GATB: variants seen among roughly 807,000 people sequenced by gnomAD.
GATB encodes the protein glutamyl-tRNA(Gln) amidotransferase subunit B, mitochondrial.
Under a neutral mutation model 62.3 loss-of-function variants are expected in GATB, and 39 were observed. That is an observed-to-expected ratio of 0.63 (90% CI 0.48 to 0.82). The LOEUF (loss-of-function observed/expected upper bound fraction) is 0.82. GATB is among the 40% of genes least tolerant of loss of function. The pLI, the probability that GATB is intolerant of heterozygous loss-of-function variation, is 0.00. For synonymous variants in GATB, 276 were observed against 258.9 expected (o/e 1.07, Z -0.63); for missense variants, 670 against 684.0 (o/e 0.98, Z 0.23).
rs139428309 is a variant in GATB at position 151,679,836 on chromosome 4, T to C, written c.1387A>G (p.Ile463Val). The C allele has an allele frequency of 8.7e-6, 14 of 1,613,934 alleles. 1 individual carries two copies. The highest frequency in any genetic ancestry group is 5.3e-5 in the African/African-American group (4 of 74,864). The part of the protein sequence containing the change: ...ELLDLLDSRT[I>V]SSSAAKQVFE... ...ACCTGTTTAGCTGCTGATGAAGAAA[T>C]TGTTCTGCTGTCCAGCAGGTCAAGA... Residue 463 changes from isoleucine to valine, a missense_variant, in exon 11 of 13, where the codon ATT becomes GTT. By Grantham distance (29) the Ile-to-Val change is conservative (BLOSUM62 3). Transcript: ENST00000263985.
chr4:151,731,530 C>G (rs1458730229), intron 2 of GATB, among the ~76,000 whole-genome samples: 1 of 152,206 alleles, frequency 6.6e-6, no homozygotes. Flanking sequence ...CTCTGCCCGG[C>G]TGCCACCCCG....
At chr4:151,733,275 G>A (rs991190592) in intron 2 of GATB, among the ~76,000 whole-genome samples, 2 of 152,000 alleles carry the variant, frequency 1.3e-5, no homozygotes, top group East Asian at 1.9e-4. Flanking sequence ...ACTGAGAAAC[G>A]AAACAGGAGA....
chr4:151,737,230 G>T (rs1356022340), intron 2 of GATB, among the ~76,000 whole-genome samples: 1 of 152,218 alleles, frequency 6.6e-6, no homozygotes, highest in Non-Finnish European at 1.5e-5. Context: ...GGTCCAGGCT[G>T]AGGTGGTCTC....
At chr4:151,728,837 C>T (rs1044810676) in intron 2 of GATB, among the ~76,000 whole-genome samples, 5 of 152,156 alleles carry the variant, frequency 3.3e-5, no homozygotes, top group Non-Finnish European at 5.9e-5. Flanking sequence ...AACAAAACAA[C>T]TGTCTTGAAC....
intron 5 of GATB, among the ~76,000 whole-genome samples, chr4:151,710,756 G>T (rs1738801871): frequency 6.6e-6 from 1 of 152,032 alleles, no homozygotes; most frequent in African/African-American, 2.4e-5. Context: ...TTTGCTGATG[G>T]CTTCCTTCCC....
In GATB at chr4:151,688,706, GCT is replaced by G; in HGVS notation, c.1253_1254del (p.Glu418AlafsTer6). On this transcript the variant is annotated frameshift_variant, in exon 10 of 13. Transcript: ENST00000263985. LOFTEE classifies it high-confidence loss of function. ...FQNVIKETRA[E>X]PKKVTSWVLN... is the part of the protein sequence containing the mutation. ...AGGACCCAACTAGTCACCTTTTTTG[GCT>G]CTGCCCTAGTTTCTTTTATCACATT... is the stretch of plus-strand genomic sequence containing the variant. 1 of 1,612,234 alleles carries G rather than the reference GCT, an allele frequency of 6.2e-7. No homozygotes were observed. The highest frequency in any genetic ancestry group is 1.1e-5 in the South Asian group (1 of 90,654).
intron 5 of GATB, among the ~76,000 whole-genome samples, chr4:151,712,607 C>G (rs954161032): frequency 1.3e-5 from 2 of 152,102 alleles, no homozygotes; most frequent in Non-Finnish European, 2.9e-5. Flanking sequence ...GTTAAGCTAT[C>G]TCGTTCTGAT....
Position 151,760,795 on chromosome 4 carries a change from G to GA in GATB, c.176+11dup. 6.3e-7 allele frequency: 1 copy of GA among 1,583,240 alleles called. No individual in the cohort carries two copies. Among genetic ancestry groups the GA allele is most frequent in the Non-Finnish European group, 8.6e-7 (1 of 1,163,194 alleles). On this transcript the variant is annotated intron_variant, in intron 1 of 12. Coordinates refer to ENST00000263985, the MANE Select transcript of GATB (RefSeq NM_004564.3). ...CACAGTTAGGTGGGCAGAAATGTATGAAACAGAATACCCTTTCCTCGTCTT... is the reference window on the plus strand; with the variant it reads ...CACAGTTAGGTGGGCAGAAATGTATGAAAACAGAATACCCTTTCCTCGTCTT...
intron 2 of GATB, among the ~76,000 whole-genome samples, chr4:151,752,869 C>A (rs1168121826): frequency 2.0e-5 from 3 of 152,124 alleles, no homozygotes; most frequent in Non-Finnish European, 2.9e-5. Context: ...AATTAAAAGT[C>A]CTATGTAAAT....
intron 2 of GATB, among the ~76,000 whole-genome samples, chr4:151,734,602 C>A (rs1739332785): frequency 6.6e-6 from 1 of 151,988 alleles, no homozygotes; most frequent in Admixed American, 6.6e-5. Context: ...TCATATGGAA[C>A]CAAAAAAGAG....
chr4:151,684,591 G>A (rs1738206946), intron 10 of GATB, among the ~76,000 whole-genome samples: 1 of 152,212 alleles, frequency 6.6e-6, no homozygotes, highest in African/African-American at 2.4e-5. Context: ...TCATAGCTGA[G>A]GCTGTTCATT....
In GATB at chr4:151,670,904, G is replaced by T; in HGVS notation, c.*270C>A. 1 of 386,710 alleles carries T rather than the reference G, an allele frequency of 2.6e-6. No individual in the cohort carries two copies. The highest frequency in any genetic ancestry group is 8.0e-5 in the South Asian group (1 of 12,562). 24.0% of individuals were successfully genotyped at this position (386,710 alleles called of 1,614,324 possible). Reference sequence around the variant, plus strand: ...GTTTAAAATTCCTTAATACAAGAAGGTGTTACTCCTTAACCACTGCTGCAG... The same window carrying T: ...GTTTAAAATTCCTTAATACAAGAAGTTGTTACTCCTTAACCACTGCTGCAG... On this transcript the variant is annotated 3_prime_UTR_variant, in exon 13 of 13. Coordinates refer to ENST00000263985, the MANE Select transcript of GATB (RefSeq NM_004564.3).
intron 2 of GATB, among the ~76,000 whole-genome samples, chr4:151,735,967 C>T (rs905087746): frequency 4.0e-5 from 6 of 151,472 alleles, no homozygotes; most frequent in East Asian, 1.9e-4. Context: ...AAACCACCAC[C>T]GAAGAACTTA....
In GATB at chr4:151,730,773, T is replaced by G. The variant is rs898640879; in HGVS notation, c.328-11235A>C. Reference sequence around the variant, plus strand: ...ACCCCATGGGACAAAAAGACCTGAATAGCAGCTTTCAGCCCTGGACCTTCC... The same window carrying G: ...ACCCCATGGGACAAAAAGACCTGAAGAGCAGCTTTCAGCCCTGGACCTTCC... On this transcript the variant is annotated intron_variant, in intron 2 of 12. Transcript: ENST00000263985. This position sits in a 1 kb window ranked among gnomAD's most constrained non-coding sequence, Gnocchi z 4.1. 6.6e-6 allele frequency among the ~76,000 whole-genome samples: 1 copy of G among 152,200 alleles called. No individual in the cohort carries two copies. Among genetic ancestry groups the G allele is most frequent in the Non-Finnish European group, 1.5e-5 (1 of 68,028 alleles).
chr4:151,695,580 G>A (rs756841548), intron 9 of GATB, among the ~76,000 whole-genome samples: 4 of 152,002 alleles, frequency 2.6e-5, no homozygotes, highest in Non-Finnish European at 4.4e-5. Flanking sequence ...TCCCACCGAC[G>A]AGCTTCAGAT....
intron 2 of GATB, among the ~76,000 whole-genome samples, chr4:151,747,407 C>A (rs1280992538): frequency 2.0e-5 from 3 of 152,220 alleles, no homozygotes; most frequent in Non-Finnish European, 4.4e-5. Flanking sequence ...GAGCCCTTGA[C>A]CCTGTGCCTG....
At chr4:151,675,059 G>T in intron 11 of GATB, 1 of 152,404 alleles carries the variant, frequency 6.6e-6, no homozygotes, top group Non-Finnish European at 1.5e-5. Flanking sequence ...CCCACAGCTC[G>T]AATGTTGGCT....
At chr4:151,747,877 C>G (rs1016240129) in intron 2 of GATB, among the ~76,000 whole-genome samples, 3 of 152,078 alleles carry the variant, frequency 2.0e-5, no homozygotes, top group African/African-American at 7.2e-5. Context: ...GCAAGAGCCA[C>G]CAACACAGGA....
chr4:151,680,257 A>G (rs2126956114), intron 10 of GATB, among the ~76,000 whole-genome samples: 1 of 147,190 alleles, frequency 6.8e-6, no homozygotes, highest in South Asian at 2.3e-4. Context: ...TTTCAACGGA[A>G]AGATCAGCCT....
Sources: gnomAD v4.1 joint callset for allele counts (sites outside exome capture counted in the v4.1 genomes callset) on GRCh38, gnomAD v4.1.1 for gene constraint, Gnocchi (gnomAD v3.1) non-coding constraint, MANE v1.5 for transcripts, NCBI Gene and HGNC (gene_info 2026-07-23, HGNC 2026-07-21) for gene names.